The following IL1RAP variants were observed in gnomAD, a reference collection of about 807,000 sequenced individuals.
IL1RAP encodes interleukin-1 receptor accessory protein.
A neutral mutation model predicts 60.7 loss-of-function variants in IL1RAP; 35 were observed. The observed-to-expected ratio is 0.58, with a 90% confidence interval of 0.44 to 0.76. The LOEUF is 0.76. IL1RAP is among the 30% of genes least tolerant of loss of function. The probability of loss-of-function intolerance (pLI) is 0.00; values close to 1 mark genes in which losing one functional copy is unlikely to be tolerated. For missense variants in IL1RAP, 572 were observed against 693.9 expected, an observed-to-expected ratio of 0.82 and a Z score of 1.97; for synonymous variants, 268 against 250.9, an observed-to-expected ratio of 1.07 and a Z score of -0.64.
chr3:190,574,174 C>T (rs1379239850), intron 3 of IL1RAP, among the ~76,000 whole-genome samples: 2 of 151,494 alleles, frequency 1.3e-5, no homozygotes, highest in South Asian at 2.1e-4. Flanking sequence ...TGAAAAGAAA[C>T]GTTTAACCAG....
intron 1 of IL1RAP, among the ~76,000 whole-genome samples, chr3:190,523,078 T>A (rs1722226627): frequency 6.6e-6 from 1 of 152,190 alleles, no homozygotes; most frequent in South Asian, 2.1e-4. Flanking sequence ...TGAAATACCT[T>A]GCATGACTTT....
At chr3:190,655,987 G>T, downstream of IL1RAP, 1 of 1,537,214 alleles carries the variant, frequency 6.5e-7, no homozygotes, top group Non-Finnish European at 8.7e-7. Flanking sequence ...CAGCATGCTG[G>T]AGTTTAAACT....
At chr3:190,588,348 G>A (rs1358001575) in intron 3 of IL1RAP, among the ~76,000 whole-genome samples, 3 of 152,222 alleles carry the variant, frequency 2.0e-5, no homozygotes, top group Admixed American at 6.5e-5. Flanking sequence ...TCTTGACCTC[G>A]TGATCCGCCC....
intron 6 of IL1RAP, among the ~76,000 whole-genome samples, chr3:190,621,580 T>A (rs1027967455): frequency 4.6e-5 from 7 of 152,208 alleles, no homozygotes; most frequent in African/African-American, 1.7e-4. Flanking sequence ...GATTTAAAAA[T>A]TCACAGACAG....
Position 190,532,196 on chromosome 3 carries a change from C to T in IL1RAP, c.-89+17977C>T, listed in dbSNP as rs1022157873. ...TAATGAGGGGAAAAAAGGATAATAG[C>T]TAACAAGTTGAAGTGCTTACTGTGT... On this transcript the variant is annotated intron_variant, in intron 1 of 11. Transcript: ENST00000447382. Among the ~76,000 whole-genome samples the T allele has an allele frequency of 5.3e-5, 8 of 151,872 alleles. No homozygotes were observed. The South Asian group carries it at 1.7e-3, about 32-fold the overall frequency.
At position 190,650,738 on chromosome 3, in the gene IL1RAP, A is replaced by T. The variant is rs1490198728; in HGVS notation, c.*2033A>T. 1 of 982,698 alleles carries T rather than the reference A, an allele frequency of 1.0e-6. No homozygotes were observed. The highest frequency in any genetic ancestry group is 1.2e-6 in the Non-Finnish European group (1 of 827,602). 60.9% of individuals were successfully genotyped at this position (982,698 alleles called of 1,614,324 possible). On this transcript the variant is annotated 3_prime_UTR_variant, in exon 12 of 12. Transcript: ENST00000447382. ...TTTAGCCTTATTAATATTTTTCCCT[A>T]TTAGAAACCACAATTACTCCCTCTA...
intron 2 of IL1RAP, among the ~76,000 whole-genome samples, chr3:190,558,035 G>C (rs549591351): frequency 1.3e-5 from 2 of 152,180 alleles, no homozygotes; most frequent in South Asian, 4.1e-4. Flanking sequence ...CATACAATAG[G>C]CATCCTATTA....
intron 3 of IL1RAP, among the ~76,000 whole-genome samples, chr3:190,595,087 T>C (rs1199161061): frequency 2.0e-5 from 3 of 151,590 alleles, no homozygotes; most frequent in Non-Finnish European, 4.4e-5. Flanking sequence ...ACTCATCACC[T>C]TTCAACATTC....
Position 190,544,337 on chromosome 3 carries a change from A to G in IL1RAP, c.-88-11793A>G, listed in dbSNP as rs1724194410. Among the ~76,000 whole-genome samples the G allele has an allele frequency of 4.6e-5, 7 of 152,294 alleles. 1 individual carries two copies. In the South Asian group the frequency reaches 1.5e-3, roughly 32 times the overall value. ...AGTAGTGAAATTATAATCAACTCCA[A>G]TTAGCTACACTGGTGGAGCATAGCA... On this transcript the variant is annotated intron_variant, in intron 1 of 11. Transcript: ENST00000447382.
At chr3:190,550,105 A>AG (rs1159617848) in intron 1 of IL1RAP, among the ~76,000 whole-genome samples, 5 of 152,088 alleles carry the variant, frequency 3.3e-5, no homozygotes, top group African/African-American at 1.2e-4. Flanking sequence ...CCCATGAAAC[A>AG]GGGGGGGCTT....
chr3:190,638,436 T>C (rs1486605586), intron 9 of IL1RAP, among the ~76,000 whole-genome samples: 1 of 152,190 alleles, frequency 6.6e-6, no homozygotes, highest in Non-Finnish European at 1.5e-5. Context: ...TGTTCAAACA[T>C]TTTGTTCATT....
At chr3:190,604,956 G>A (rs768255950) in intron 4 of IL1RAP, among the ~76,000 whole-genome samples, 8 of 152,090 alleles carry the variant, frequency 5.3e-5, no homozygotes, top group African/African-American at 1.9e-4. Flanking sequence ...TATCATTTCT[G>A]TCAGACACTG....
At chr3:190,640,533 A>T (rs1406675854) in intron 9 of IL1RAP, among the ~76,000 whole-genome samples, 1 of 152,168 alleles carries the variant, frequency 6.6e-6, no homozygotes, top group Admixed American at 6.5e-5. Flanking sequence ...CAGTTCCAAA[A>T]ATTATCCATC....
At chr3:190,647,165 TC>T (rs1164438446) in intron 11 of IL1RAP, among the ~76,000 whole-genome samples, 4 of 152,208 alleles carry the variant, frequency 2.6e-5, no homozygotes, top group African/African-American at 9.7e-5. Context: ...ACTCTGGGTC[TC>T]TTGCCATGCT....
intron 9 of IL1RAP, among the ~76,000 whole-genome samples, chr3:190,640,848 G>A (rs1733607079): frequency 6.6e-6 from 1 of 152,186 alleles, no homozygotes; most frequent in Admixed American, 6.5e-5. Context: ...CAACCATCAA[G>A]GAGCTAAATC....
At chr3:190,635,800 A>C (rs1033638172) in intron 9 of IL1RAP, among the ~76,000 whole-genome samples, 2 of 152,214 alleles carry the variant, frequency 1.3e-5, no homozygotes, top group East Asian at 3.8e-4. Flanking sequence ...GTCTGGGAGC[A>C]GGTATCTCCA....
chr3:190,606,181 G>T (rs1037960580), intron 4 of IL1RAP, among the ~76,000 whole-genome samples: 1 of 151,954 alleles, frequency 6.6e-6, no homozygotes, highest in African/African-American at 2.4e-5. Context: ...CTGGTATATG[G>T]GTTTCTGAGG....
chr3:190,630,300 A>G (rs992579165), intron 9 of IL1RAP: 23 of 698,254 alleles, frequency 3.3e-5, no homozygotes, highest in Non-Finnish European at 3.7e-5. Flanking sequence ...ACTGTGTCTA[A>G]AACTTTCTTT....
intron 9 of IL1RAP, among the ~76,000 whole-genome samples, chr3:190,636,448 A>T (rs1334851321): frequency 6.6e-6 from 1 of 151,888 alleles, no homozygotes; most frequent in Non-Finnish European, 1.5e-5. Flanking sequence ...TTGACTCTTA[A>T]ATTGTGAAAT....
Sources: gnomAD v4.1 joint callset for allele counts (sites outside exome capture counted in the v4.1 genomes callset) on GRCh38, gnomAD v4.1.1 for gene constraint, MANE v1.5 for transcripts, NCBI Gene and HGNC (gene_info 2026-07-23, HGNC 2026-07-21) for gene names.